Variants in CYP19A1 observed in about 807,000 individuals in gnomAD.
CYP19A1 encodes cytochrome P450 family 19 subfamily A member 1, also known as aromatase.
A neutral mutation model predicts 44.4 loss-of-function variants in CYP19A1; 32 were observed. That is an observed-to-expected ratio of 0.72 (90% CI 0.54 to 0.97). The LOEUF is 0.97. Ranked by LOEUF, CYP19A1 falls within the 50% of genes least tolerant of loss-of-function variation. CYP19A1 has a pLI of 0.00. For synonymous variants in CYP19A1, 212 were observed against 215.6 expected (o/e 0.98, Z 0.14); for missense variants, 598 against 637.8 (o/e 0.94, Z 0.67).
At chr15:51,241,935 T>C (rs1419800439) in intron 2 of CYP19A1, among the ~76,000 whole-genome samples, 1 of 151,974 alleles carries the variant, frequency 6.6e-6, no homozygotes, top group Non-Finnish European at 1.5e-5. Context: ...GCTCTTAAAG[T>C]CTCATTGGAT....
At chr15:51,329,706 G>T (rs938063059) in intron 1 of CYP19A1, among the ~76,000 whole-genome samples, 2 of 152,214 alleles carry the variant, frequency 1.3e-5, no homozygotes, top group Non-Finnish European at 2.9e-5. Flanking sequence ...ATCTCAGAAA[G>T]AAATTGTAAG....
At chr15:51,318,821 C>T (rs185141681) in intron 1 of CYP19A1, 36 of 152,332 alleles carry the variant, frequency 2.4e-4, no homozygotes, top group Admixed American at 1.2e-3. Context: ...AGAACAGAAT[C>T]TTCTCTCATT....
chr15:51,313,197 G>C (rs868215011), intron 1 of CYP19A1: 6 of 152,256 alleles, frequency 3.9e-5, no homozygotes, highest in African/African-American at 1.4e-4. Flanking sequence ...AGAACAAAAA[G>C]ATGTCAAAAG....
chr15:51,241,570 G>A (rs1040324472), intron 2 of CYP19A1, among the ~76,000 whole-genome samples: 2 of 141,708 alleles, frequency 1.4e-5, no homozygotes, highest in African/African-American at 2.7e-5. Context: ...ACCCCACCCC[G>A]ACCATTCACT....
In CYP19A1 at chr15:51,210,738, G is replaced by A. The variant is rs2141029517; in HGVS notation, c.*70C>T. 1 of 1,009,044 alleles carries A rather than the reference G, an allele frequency of 9.9e-7. No homozygotes were observed. The highest frequency in any genetic ancestry group is 1.6e-6 in the Non-Finnish European group (1 of 627,140). The allele number at this position is 1,009,044 out of a possible 1,614,324, so 62.5% of individuals were successfully genotyped here. A position where few individuals can be genotyped will look rare whatever the true frequency, so the allele number is the denominator to read the frequency against. On this transcript the variant is annotated 3_prime_UTR_variant, in exon 10 of 10. Transcript: ENST00000396402. ...GTTCACTGTGAGGATGACACTATTG[G>A]CAAGGATGGATGATTTGTATGTGAA...
intron 2 of CYP19A1, 41 bp from the exon 3 acceptor site, chr15:51,237,050 C>A: frequency 1.2e-6 from 2 of 1,612,090 alleles, no homozygotes; most frequent in Non-Finnish European, 1.7e-6. Flanking sequence ...CTTAGTTACA[C>A]CAAAAATTGC....
At chr15:51,264,841 T>C (rs2034859940) in intron 1 of CYP19A1, among the ~76,000 whole-genome samples, 1 of 152,204 alleles carries the variant, frequency 6.6e-6, no homozygotes, top group Non-Finnish European at 1.5e-5. Flanking sequence ...GGATACTTCA[T>C]AGAGATCAAG....
At chr15:51,307,549 A>T (rs2036237578) in intron 1 of CYP19A1, among the ~76,000 whole-genome samples, 2 of 152,192 alleles carry the variant, frequency 1.3e-5, no homozygotes, top group South Asian at 4.1e-4. Context: ...GGTGTGAAAG[A>T]GCTGCCCGGA....
intron 1 of CYP19A1, chr15:51,277,981 A>G (rs1253729243): frequency 1.1e-4 from 12 of 111,166 alleles, no homozygotes; most frequent in Non-Finnish European, 1.7e-4. Flanking sequence ...TTTTTTCCCC[A>G]GGAAAATGTG....
intron 1 of CYP19A1, chr15:51,315,807 G>A (rs751265841): frequency 7.2e-5 from 11 of 152,152 alleles, no homozygotes; most frequent in South Asian, 2.1e-4. Flanking sequence ...TTAATAGCAC[G>A]CTCCTCTATT....
chr15:51,264,397 C>T (rs4614671), intron 1 of CYP19A1, among the ~76,000 whole-genome samples: 30,240 of 151,706 alleles, frequency 0.2, 3,779 homozygotes, highest in African/African-American at 0.35. Flanking sequence ...GGGTAAGACC[C>T]CGAGAAAGAT....
intron 1 of CYP19A1, among the ~76,000 whole-genome samples, chr15:51,302,735 G>A (rs773806545): frequency 3.9e-5 from 6 of 152,162 alleles, no homozygotes; most frequent in East Asian, 1.9e-4. Context: ...CAGCTCAAAC[G>A]CGACCTCCTC....
Position 51,242,927 on chromosome 15 carries a change from C to A in CYP19A1, c.-15G>T, listed in dbSNP as rs1447417375. 3.1e-6 allele frequency: 5 copies of A among 1,597,504 alleles called. No homozygotes were observed. Among genetic ancestry groups the A allele is most frequent in the Non-Finnish European group, 4.3e-6 (5 of 1,164,918 alleles). On this transcript the variant is annotated 5_prime_UTR_variant, in exon 2 of 10. Coordinates refer to ENST00000396402, the MANE Select transcript of CYP19A1 (RefSeq NM_000103.4). Reference sequence around the variant, plus strand: ...TCCAAAACCATCTTGTGTTCCTTGACCTCAGAGGGGGCAATTTAGAGTCCT... The same window carrying A: ...TCCAAAACCATCTTGTGTTCCTTGAACTCAGAGGGGGCAATTTAGAGTCCT...
chr15:51,227,564 C>T (rs925417629), intron 4 of CYP19A1, among the ~76,000 whole-genome samples: 12 of 151,460 alleles, frequency 7.9e-5, no homozygotes, highest in Non-Finnish European at 1.5e-4. Context: ...CAGCTACTCG[C>T]GAGGCTGAGG....
At chr15:51,235,404 G>T (rs1332275542) in intron 3 of CYP19A1, among the ~76,000 whole-genome samples, 6 of 152,178 alleles carry the variant, frequency 3.9e-5, no homozygotes, top group Admixed American at 3.3e-4. Flanking sequence ...CAGGCTTGTT[G>T]ATGCTGCTTG....
chr15:51,223,573 T>TCG, intron 4 of CYP19A1, among the ~76,000 whole-genome samples: 3 of 83,502 alleles, frequency 3.6e-5, no homozygotes, highest in Non-Finnish European at 8.0e-5. Context: ...TCTCTCTTGC[T>TCG]CTCTCTCTCT....
chr15:51,313,684 C>T (rs2036361844), intron 1 of CYP19A1, among the ~76,000 whole-genome samples: 1 of 152,112 alleles, frequency 6.6e-6, no homozygotes, highest in Non-Finnish European at 1.5e-5. Context: ...ATAATCCCAG[C>T]TACTCAGGAG....
chr15:51,211,592 T>C (rs1167850407), intron 9 of CYP19A1: 2 of 390,726 alleles, frequency 5.1e-6, no homozygotes, highest in Admixed American at 6.7e-5. Context: ...GTTGATCAGT[T>C]GACTGATTTA....
At chr15:51,330,330 A>G (rs1285846732) in intron 1 of CYP19A1, among the ~76,000 whole-genome samples, 1 of 152,194 alleles carries the variant, frequency 6.6e-6, no homozygotes. Context: ...ACCCAAACTA[A>G]GGTGCAGGAC....
Sources: gnomAD v4.1 joint callset for allele counts (sites outside exome capture counted in the v4.1 genomes callset) on GRCh38, gnomAD v4.1.1 for gene constraint, MANE v1.5 for transcripts, NCBI Gene and HGNC (gene_info 2026-07-23, HGNC 2026-07-21) for gene names.